NOTCH2: variants seen among roughly 807,000 people sequenced by gnomAD.
The protein encoded by NOTCH2 is neurogenic locus notch homolog protein 2.
Under a neutral mutation model 235.8 loss-of-function variants are expected in NOTCH2, and 29 were observed. The observed-to-expected ratio is 0.12, with a 90% CI of 0.09 to 0.17. NOTCH2 has a LOEUF of 0.17. Among genes scored for constraint, NOTCH2 ranks in the 10% least tolerant of loss-of-function variants. The pLI is 1.00. For missense variants in NOTCH2, 2,285 were observed against 3,150.2 expected, an observed-to-expected ratio of 0.73 and a Z score of 6.57; for synonymous variants, 1,086 against 1,141.5, an observed-to-expected ratio of 0.95 and a Z score of 0.98.
intron 17 of NOTCH2, among the ~76,000 whole-genome samples, chr1:119,944,447 AT>A (rs1650180626): frequency 6.6e-6 from 1 of 151,508 alleles, no homozygotes; most frequent in African/African-American, 2.4e-5. Context: ...AGGCAGAAGA[AT>A]GGCGCAAACC....
chr1:119,919,907 T>TTTTTAAATCTAATATCTAA (rs1649213592), intron 30 of NOTCH2, among the ~76,000 whole-genome samples: 1 of 152,356 alleles, frequency 6.6e-6, no homozygotes, highest in African/African-American at 2.4e-5. Flanking sequence ...ATATCTAATA[T>TTTTTAAATCTAATATCTAA]TAATAGAACA....
chr1:119,995,829 A>G (rs587689854), intron 4 of NOTCH2: 1 of 152,330 alleles, frequency 6.6e-6, no homozygotes, highest in Admixed American at 6.5e-5. Flanking sequence ...CAGTCAATAC[A>G]TTTTTACCAA....
At chr1:119,942,041 A>G (rs781828015) in intron 17 of NOTCH2, among the ~76,000 whole-genome samples, 8 of 152,248 alleles carry the variant, frequency 5.3e-5, no homozygotes, top group Non-Finnish European at 1.2e-4. Flanking sequence ...TGGAAATCAA[A>G]TATGTGCCCC....
chr1:119,963,662 A>G lies in NOTCH2; in HGVS notation c.1827T>C (p.Asp609=). 6.8e-6 allele frequency: 11 copies of G among 1,614,188 alleles called. No individual in the cohort carries two copies. The highest frequency in any genetic ancestry group is 9.3e-6 in the Non-Finnish European group (11 of 1,180,000). Residue 609 remains aspartate, a synonymous_variant, in exon 11 of 34, where the codon GAT becomes GAC. Coordinates refer to ENST00000256646, the MANE Select transcript of NOTCH2 (RefSeq NM_024408.4). ...YMGAICSDQI[D]ECYSSPCLND... The stretch of plus-strand genomic sequence containing the variant: ...TCAGGCAAGGGCTGCTGTAACATTC[A>G]TCAATCTGGTCACTGCAGATGGCGC...
intron 14 of NOTCH2, among the ~76,000 whole-genome samples, chr1:119,951,420 G>C (rs1650469860): frequency 1.3e-5 from 2 of 152,178 alleles, no homozygotes; most frequent in Admixed American, 1.3e-4. Flanking sequence ...CCAAAATGCT[G>C]GGATTACAGG....
At chr1:120,037,094 T>C (rs1654333642) in intron 1 of NOTCH2, among the ~76,000 whole-genome samples, 1 of 152,160 alleles carries the variant, frequency 6.6e-6, no homozygotes, top group South Asian at 2.1e-4. Context: ...AATAAGCCTC[T>C]GTCGTCTATC....
In NOTCH2 at chr1:120,034,411, T is replaced by C. The variant is rs587637750; in HGVS notation, c.74-4424A>G. On this transcript the variant is annotated intron_variant, in intron 1 of 33. Coordinates refer to ENST00000256646, the MANE Select transcript of NOTCH2 (RefSeq NM_024408.4). ...ATCACTCCATCATTTGGCAATATAATACAAAAATCTAGAAGCCAATTTCCA... is the reference window on the plus strand; with the variant it reads ...ATCACTCCATCATTTGGCAATATAACACAAAAATCTAGAAGCCAATTTCCA... Among the ~76,000 whole-genome samples, 5 of 102,458 alleles carry C rather than the reference T, an allele frequency of 4.9e-5. No individual in the cohort carries two copies. In the East Asian group the frequency reaches 1.4e-3, roughly 29 times the overall value. The allele number at this position is 102,458 out of a possible 152,430, so 67.2% of individuals were successfully genotyped here. A position where few individuals can be genotyped will look rare whatever the true frequency, so the allele number is the denominator to read the frequency against.
intron 2 of NOTCH2, among the ~76,000 whole-genome samples, chr1:120,014,274 A>G (rs1570747321): frequency 6.6e-6 from 1 of 151,956 alleles, no homozygotes; most frequent in East Asian, 1.9e-4. Context: ...CTTTTTCTTT[A>G]AAAGTCTCAG....
At position 120,009,342 on chromosome 1, in the gene NOTCH2, A is replaced by G. The variant is rs371441881; in HGVS notation, c.156-3754T>C. 1.1e-4 allele frequency among the ~76,000 whole-genome samples: 16 copies of G among 151,760 alleles called. No individual in the cohort carries two copies. The East Asian group carries it at 2.5e-3, about 24-fold the overall frequency. On this transcript the variant is annotated intron_variant, in intron 2 of 33. Coordinates refer to ENST00000256646, the MANE Select transcript of NOTCH2 (RefSeq NM_024408.4). ...ATGTACAGAACCATATATTTGCTTTATGTGAAACTAGACCTACTGTATTAA... is the reference window on the plus strand; with the variant it reads ...ATGTACAGAACCATATATTTGCTTTGTGTGAAACTAGACCTACTGTATTAA...
chr1:119,931,174 C>T (rs1349586731), intron 22 of NOTCH2, among the ~76,000 whole-genome samples: 1 of 149,562 alleles, frequency 6.7e-6, no homozygotes, highest in Non-Finnish European at 1.5e-5. Flanking sequence ...TTGTAGCATA[C>T]ACTAACAAAA....
intron 2 of NOTCH2, among the ~76,000 whole-genome samples, chr1:120,029,694 T>C (rs1227016103): frequency 6.8e-6 from 1 of 148,080 alleles, no homozygotes; most frequent in Non-Finnish European, 1.5e-5. Context: ...GTCTTTTTCA[T>C]AGTGAGAAAG....
chr1:120,007,733 T>C (rs1405067950), intron 2 of NOTCH2, among the ~76,000 whole-genome samples: 2 of 152,080 alleles, frequency 1.3e-5, no homozygotes, highest in African/African-American at 2.4e-5. Context: ...CTTTTCTGTC[T>C]TCTTTGTGCT....
intron 5 of NOTCH2, among the ~76,000 whole-genome samples, chr1:119,972,059 G>A (rs1651382614): frequency 6.6e-6 from 1 of 151,504 alleles, no homozygotes. Flanking sequence ...ATTGCAAGGA[G>A]TGAGTGAGCG....
In NOTCH2 at chr1:119,957,829, A is replaced by AACACACACACACAC. The variant is rs3222739; in HGVS notation, c.2026+1549_2026+1562dup. On this transcript the variant is annotated intron_variant, in intron 12 of 33. Transcript: ENST00000256646. ...ATGAGTCCAGTAGAAGCCTTATATA[A>AACACACACACACAC]ACACACACACACACACACACACACA... is the stretch of plus-strand genomic sequence containing the variant. Among the ~76,000 whole-genome samples the AACACACACACACAC allele has an allele frequency of 3.7e-3, 434 of 116,492 alleles. 15 individuals carry two copies. The highest frequency in any genetic ancestry group is 0.013 in the East Asian group (44 of 3,348). The allele number at this position is 116,492 out of a possible 152,430, so 76.4% of individuals were successfully genotyped here.
chr1:119,918,526 G>A lies in NOTCH2; in HGVS notation c.5809C>T (p.Leu1937=). The A allele has an allele frequency of 6.2e-7, 1 of 1,614,116 alleles. No individual in the cohort carries two copies. Among genetic ancestry groups the A allele is most frequent in the Non-Finnish European group, 8.5e-7 (1 of 1,180,010 alleles). Residue 1937 remains leucine (L), a synonymous_variant, in exon 32 of 34, where the codon CTA becomes TTA. Coordinates refer to ENST00000256646, the MANE Select transcript of NOTCH2 (RefSeq NM_024408.4). ...GTACCATCATTCATCCTGGCATCTA[G>A]ATCAGTTACTCGGTTGCGAATCAGA... ...QILIRNRVTD[L]DARMNDGTTP...
Position 119,923,619 on chromosome 1 carries a change from C to T in NOTCH2, c.4859+18G>A. The T allele has an allele frequency of 6.2e-7, 1 of 1,610,112 alleles. No homozygotes were observed. The highest frequency in any genetic ancestry group is 8.5e-7 in the Non-Finnish European group (1 of 1,176,896). ...GCTTCATAAAATTAGCCTTGAAGTT[C>T]AGAAACCAAACACCTACCCAGCCAC... On this transcript the variant is annotated intron_variant, in intron 26 of 33. Transcript: ENST00000256646.
rs1305334337 is a variant in NOTCH2 at position 119,925,760 on chromosome 1, C to T, written c.4056G>A (p.Arg1352=). ...CQSSCGQVKC[R]KGEQCVHTAS... ...CGGTGTGCACACACTGCTCCCCCTT[C>T]CTACATTTCACTTGTCCACAGCTGC... Residue 1352 remains arginine (R), a synonymous_variant, in exon 25 of 34, where the codon AGG becomes AGA. Transcript: ENST00000256646. 1 of 1,614,054 alleles carries T rather than the reference C, an allele frequency of 6.2e-7. No homozygotes were observed. Among genetic ancestry groups the T allele is most frequent in the Non-Finnish European group, 8.5e-7 (1 of 1,180,050 alleles).
intron 22 of NOTCH2, among the ~76,000 whole-genome samples, chr1:119,934,142 A>G (rs1553195474): frequency 6.6e-6 from 1 of 152,206 alleles, no homozygotes; most frequent in Non-Finnish European, 1.5e-5. Flanking sequence ...ACCAAACCAC[A>G]TGTTAAAATG....
intron 3 of NOTCH2, among the ~76,000 whole-genome samples, chr1:120,001,143 C>T (rs139660178): frequency 0.041 from 6,145 of 151,686 alleles, no homozygotes; most frequent in East Asian, 0.12. Flanking sequence ...TCGGAGGCCT[C>T]CCCAGCCATA....
Sources: allele counts gnomAD v4.1 joint callset (sites outside exome capture counted in the v4.1 genomes callset), GRCh38; gene constraint gnomAD v4.1.1; transcripts MANE v1.5; gene names NCBI Gene and HGNC (gene_info 2026-07-23, HGNC 2026-07-21).